Variants in HSPBAP1 observed in about 807,000 individuals in gnomAD.
The protein encoded by HSPBAP1 is HSPB1 associated protein 1, also known as HSPB1-associated protein 1.
Under a neutral mutation model 45.2 loss-of-function variants are expected in HSPBAP1, and 27 were observed. The ratio of observed to expected loss-of-function variants is 0.60; its 90% CI spans 0.44 to 0.82. The LOEUF (loss-of-function observed/expected upper bound fraction) is 0.82. Among genes scored for constraint, HSPBAP1 ranks in the 40% least tolerant of loss-of-function variants. HSPBAP1 has a pLI of 0.00. For missense variants in HSPBAP1, 510 were observed against 590.9 expected (o/e 0.86, Z 1.42); for synonymous variants, 204 against 202.7 (o/e 1.01, Z -0.06).
intron 2 of HSPBAP1, among the ~76,000 whole-genome samples, chr3:122,770,730 A>C (rs1934967224): frequency 6.6e-6 from 1 of 152,100 alleles, no homozygotes; most frequent in Non-Finnish European, 1.5e-5. Context: ...AACAACCAAA[A>C]AATTATCAAC....
Position 122,777,788 on chromosome 3 carries a change from T to TTTA in HSPBAP1, c.180_182dup (p.Ala60_Lys61insAsn), listed in dbSNP as rs769669869. 2 of 1,614,090 alleles carry TTTA rather than the reference T, an allele frequency of 1.2e-6. No homozygotes were observed. The highest frequency in any genetic ancestry group is 3.3e-5 in the Admixed American group (2 of 60,014). On this transcript the variant is annotated inframe_insertion, in exon 2 of 8. Transcript: ENST00000306103. ...TGCCATGAAGGACCTGCGAAAGGTA[T>TTTA]TTAGCATTCCAGTGTCGTGCTGGCC...
chr3:122,768,382 T>C (rs945677630), intron 3 of HSPBAP1, among the ~76,000 whole-genome samples: 4 of 152,214 alleles, frequency 2.6e-5, no homozygotes, highest in African/African-American at 9.7e-5. Context: ...AGAACTTATA[T>C]GGAGGTCAGG....
chr3:122,750,250 G>T (rs1487254694), intron 6 of HSPBAP1, among the ~76,000 whole-genome samples: 1 of 152,136 alleles, frequency 6.6e-6, no homozygotes. Flanking sequence ...TGGGATTACA[G>T]GCGTAAGCCA....
rs536675533 is a variant in HSPBAP1, at chr3:122,780,546, G to A, written c.65-2640C>T. On this transcript the variant is annotated intron_variant, in intron 1 of 7. Transcript: ENST00000306103. ...TCCCTCCCGGACGGGGCGGCTGGCC[G>A]GACGGGGGGCTGAACCCCCAACTCA... Among the ~76,000 whole-genome samples, 20 of 138,564 alleles carry A rather than the reference G, an allele frequency of 1.4e-4. No homozygotes were observed. The South Asian group carries it at 3.0e-3, about 21-fold the overall frequency. The allele number at this position is 138,564 out of a possible 152,430, so 90.9% of individuals were successfully genotyped here. A position where few individuals can be genotyped will look rare whatever the true frequency, so the allele number is the denominator to read the frequency against.
intron 2 of HSPBAP1, among the ~76,000 whole-genome samples, chr3:122,772,061 G>C (rs1027307392): frequency 1.3e-5 from 2 of 152,216 alleles, no homozygotes; most frequent in Admixed American, 6.5e-5. Context: ...ACTGTAACAG[G>C]CAAAAATATT....
At chr3:122,791,811 C>T (rs76634888) in intron 1 of HSPBAP1, among the ~76,000 whole-genome samples, 4,926 of 152,208 alleles carry the variant, frequency 0.032, 110 homozygotes, top group Middle Eastern at 0.078. Flanking sequence ...TTACAGGCCA[C>T]GGTTAAGAAT....
chr3:122,747,786 C>T (rs1376504035), intron 6 of HSPBAP1, among the ~76,000 whole-genome samples: 31 of 149,648 alleles, frequency 2.1e-4, no homozygotes, highest in East Asian at 8.1e-4. Flanking sequence ...CCCGGCCAGC[C>T]GCCCCGTCCG....
chr3:122,740,607 G>A lies in HSPBAP1; in HGVS notation c.1205C>T (p.Pro402Leu), dbSNP rs371225480. Residue 402 changes from proline (P) to leucine (L), a missense_variant, in exon 8 of 8, where the codon CCG becomes CTG. Coordinates refer to ENST00000306103, the MANE Select transcript of HSPBAP1 (RefSeq NM_024610.6). ...AAATATGCCTCCTCTTTCTGAAGGC[G>A]GTTCTTCGGACCTCTGTGCTACAGG... Reference protein sequence around the residue: ...LVPVAQRSEEPPSERGGIFGS... With the variant: ...LVPVAQRSEELPSERGGIFGS... The A allele has an allele frequency of 1.4e-5, 22 of 1,614,006 alleles. No individual in the cohort carries two copies. The highest frequency in any genetic ancestry group is 1.2e-4 in the African/African-American group (9 of 74,912).
intron 1 of HSPBAP1, among the ~76,000 whole-genome samples, chr3:122,779,587 G>A (rs932059001): frequency 1.3e-5 from 2 of 151,568 alleles, no homozygotes; most frequent in East Asian, 1.9e-4. Flanking sequence ...GGACAATAGT[G>A]GAGGGAAGGT....
chr3:122,764,070 C>T (rs906313868), intron 3 of HSPBAP1, among the ~76,000 whole-genome samples: 2 of 152,236 alleles, frequency 1.3e-5, no homozygotes, highest in Non-Finnish European at 2.9e-5. Flanking sequence ...CCCTTGCCTT[C>T]CTTCCTATAT....
At chr3:122,753,039 G>A in intron 5 of HSPBAP1, 6 of 957,904 alleles carry the variant, frequency 6.3e-6, no homozygotes, top group Non-Finnish European at 6.2e-6. Context: ...CACATAGGAC[G>A]TGGCTTCTGT....
At chr3:122,761,919 A>C (rs185902172) in intron 3 of HSPBAP1, 9 of 152,258 alleles carry the variant, frequency 5.9e-5, no homozygotes, top group Admixed American at 3.9e-4. Flanking sequence ...ATGTGGGCCC[A>C]GGAATCTGTC....
At chr3:122,744,220 A>AT (rs1222315862) in intron 6 of HSPBAP1, among the ~76,000 whole-genome samples, 2 of 152,190 alleles carry the variant, frequency 1.3e-5, no homozygotes, top group African/African-American at 4.8e-5. Context: ...TGATAAATAC[A>AT]TTTCAATACT....
chr3:122,750,670 A>G (rs1288147410), intron 6 of HSPBAP1, among the ~76,000 whole-genome samples: 1 of 152,200 alleles, frequency 6.6e-6, no homozygotes, highest in African/African-American at 2.4e-5. Context: ...GCCATTTCCT[A>G]CAAAAAGAAC....
rs751140945 is a variant in HSPBAP1 at position 122,741,130 on chromosome 3, C to T, written c.826-17G>A. 17 of 1,552,588 alleles carry T rather than the reference C, an allele frequency of 1.1e-5. No homozygotes were observed. The highest frequency in any genetic ancestry group is 5.4e-5 in the African/African-American group (4 of 73,636). On this transcript the variant is annotated splice_polypyrimidine_tract_variant and intron_variant, in intron 6 of 7. Coordinates refer to ENST00000306103, the MANE Select transcript of HSPBAP1 (RefSeq NM_024610.6). ...ATCCTCTTCCTGAATTAAAAAAACA[C>T]GCTTTTAACTTCTGTTAAGTCTCAT...
In HSPBAP1 at chr3:122,793,793, C is replaced by A; in HGVS notation, c.-113G>T. ...GCTGCACCACAGGAAGGAGCCCCGG[C>A]GACTCCCGCCCGGCTCCTACGGAAA... On this transcript the variant is annotated 5_prime_UTR_variant, in exon 1 of 8. Coordinates refer to ENST00000306103, the MANE Select transcript of HSPBAP1 (RefSeq NM_024610.6). 1 of 898,560 alleles carries A rather than the reference C, an allele frequency of 1.1e-6. No individual in the cohort carries two copies. The highest frequency in any genetic ancestry group is 1.7e-6 in the Non-Finnish European group (1 of 582,666). 55.7% of individuals were successfully genotyped at this position (898,560 alleles called of 1,614,324 possible). A position where few individuals can be genotyped will look rare whatever the true frequency, so the allele number is the denominator to read the frequency against.
chr3:122,753,969 T>TA (rs1185670801), intron 5 of HSPBAP1: 1 of 858,606 alleles, frequency 1.2e-6, no homozygotes, highest in African/African-American at 1.8e-5. Flanking sequence ...AAAATAATGA[T>TA]AAAAAAGCAA....
intron 1 of HSPBAP1, among the ~76,000 whole-genome samples, chr3:122,781,448 G>C (rs150738112): frequency 1.6e-4 from 24 of 149,188 alleles, no homozygotes; most frequent in Non-Finnish European, 3.3e-4. Flanking sequence ...GCAGGCACTC[G>C]GCAGGCTGAG....
At position 122,752,574 on chromosome 3, in the gene HSPBAP1, A is replaced by AC. The variant is rs775044040; in HGVS notation, c.825+16_825+17insG. 4 of 1,514,244 alleles carry AC rather than the reference A, an allele frequency of 2.6e-6. No individual in the cohort carries two copies. The highest frequency in any genetic ancestry group is 2.4e-5 in the South Asian group (2 of 81,934). 93.8% of individuals were successfully genotyped at this position (1,514,244 alleles called of 1,614,324 possible). A position where few individuals can be genotyped will look rare whatever the true frequency, so the allele number is the denominator to read the frequency against. ...TTGCACTTACTTAAAAAAAAAAAAA[A>AC]AACAACGAAAAAGTACCAGTTCAAT... On this transcript the variant is annotated intron_variant, in intron 6 of 7. Coordinates refer to ENST00000306103, the MANE Select transcript of HSPBAP1 (RefSeq NM_024610.6).
Sources: gnomAD v4.1 joint callset for allele counts (sites outside exome capture counted in the v4.1 genomes callset) on GRCh38, gnomAD v4.1.1 for gene constraint, MANE v1.5 for transcripts, NCBI Gene and HGNC (gene_info 2026-07-23, HGNC 2026-07-21) for gene names.